ARB2A: variants seen among roughly 807,000 people sequenced by gnomAD.
ARB2A encodes cotranscriptional regulator ARB2A.
the ARB2A span, among the ~76,000 whole-genome samples, chr5:93,760,700 T>C: frequency 6.6e-6 from 1 of 152,140 alleles, no homozygotes; most frequent in Non-Finnish European, 1.5e-5. Context: ...GCTAGCCACA[T>C]GTAGGAGAAT....
At chr5:93,993,288 G>C in the ARB2A span, among the ~76,000 whole-genome samples, 5 of 152,022 alleles carry the variant, frequency 3.3e-5, no homozygotes, top group African/African-American at 1.2e-4. Flanking sequence ...AGAGACAGCT[G>C]TTTTTTTAGT....
chr5:93,932,207 T>A, the ARB2A span, among the ~76,000 whole-genome samples: 4 of 152,176 alleles, frequency 2.6e-5, no homozygotes, highest in African/African-American at 7.2e-5. Flanking sequence ...TTCATGAGAA[T>A]TTGCTGTCAT....
At chr5:93,886,661 T>G in the ARB2A span, among the ~76,000 whole-genome samples, 1 of 151,620 alleles carries the variant, frequency 6.6e-6, no homozygotes, top group Non-Finnish European at 1.5e-5. Context: ...AGTGAAGCGT[T>G]AAAGTAAACA....
chr5:93,710,900 C>T, the ARB2A span, among the ~76,000 whole-genome samples: 1 of 152,272 alleles, frequency 6.6e-6, no homozygotes, highest in East Asian at 1.9e-4. Context: ...TAAATATCCT[C>T]CCTCTGCCAC....
chr5:94,106,870 G>GAAAAAAAA, the ARB2A span, among the ~76,000 whole-genome samples: 311 of 57,276 alleles, frequency 5.4e-3, 1 homozygote, highest in East Asian at 0.011. Context: ...AATCAATGCA[G>GAAAAAAAA]AAAAAAAAAA....
the ARB2A span, among the ~76,000 whole-genome samples, chr5:93,949,573 A>T: frequency 9.9e-5 from 15 of 151,806 alleles, no homozygotes; most frequent in Non-Finnish European, 1.9e-4. Flanking sequence ...AAAAATAATA[A>T]TAATAATAGT....
chr5:93,891,476 T>C, the ARB2A span, among the ~76,000 whole-genome samples: 1 of 152,010 alleles, frequency 6.6e-6, no homozygotes, highest in African/African-American at 2.4e-5. Context: ...AACTAGAACC[T>C]CAACAATAAT....
the ARB2A span, among the ~76,000 whole-genome samples, chr5:93,742,359 C>T: frequency 4.3e-3 from 659 of 152,264 alleles, 2 homozygotes; most frequent in Middle Eastern, 0.017. Flanking sequence ...CTGGCCTGAC[C>T]CACTGTCCCC....
At chr5:94,011,212 T>G in the ARB2A span, among the ~76,000 whole-genome samples, 2 of 152,186 alleles carry the variant, frequency 1.3e-5, no homozygotes, top group Non-Finnish European at 2.9e-5. Context: ...TGGTCCCCAT[T>G]GCTGATTTCT....
the ARB2A span, among the ~76,000 whole-genome samples, chr5:94,093,260 A>C: frequency 1.1e-4 from 16 of 152,292 alleles, 1 homozygote; most frequent in Admixed American, 3.9e-4. Context: ...ACAACAACAA[A>C]AAAGACTAGC....
chr5:94,018,004 A>G, the ARB2A span, among the ~76,000 whole-genome samples: 1 of 152,024 alleles, frequency 6.6e-6, no homozygotes, highest in Non-Finnish European at 1.5e-5. Flanking sequence ...CTTCTTCCTC[A>G]TTGTTCTCTT....
the ARB2A span, among the ~76,000 whole-genome samples, chr5:94,036,531 T>C: frequency 2.0e-3 from 311 of 152,342 alleles, 2 homozygotes; most frequent in African/African-American, 7.2e-3. Flanking sequence ...CCTGTTTCTC[T>C]ATAGCCTCAT....
At chr5:93,865,410 T>G in the ARB2A span, 1 of 985,404 alleles carries the variant, frequency 1.0e-6, no homozygotes, top group Non-Finnish European at 1.2e-6. Flanking sequence ...GAGTAGAAAT[T>G]ACATGCTTTA....
chr5:93,981,064 T>G, the ARB2A span, among the ~76,000 whole-genome samples: 120 of 110,536 alleles, frequency 1.1e-3, no homozygotes, highest in African/African-American at 3.3e-3. Context: ...TTACTGTATT[T>G]CTTAATTTTT....
chr5:93,716,592 A>C, the ARB2A span, among the ~76,000 whole-genome samples: 1 of 150,352 alleles, frequency 6.7e-6, no homozygotes, highest in Non-Finnish European at 1.5e-5. Flanking sequence ...CTATTTGCAC[A>C]GTCAGACAAT....
chr5:93,900,207 T>C, the ARB2A span, among the ~76,000 whole-genome samples: 1 of 152,162 alleles, frequency 6.6e-6, no homozygotes, highest in African/African-American at 2.4e-5. Flanking sequence ...CAAAAAATAC[T>C]ATTTTGGGTC....
the ARB2A span, among the ~76,000 whole-genome samples, chr5:93,683,957 T>C: frequency 1.3e-5 from 2 of 151,124 alleles, no homozygotes; most frequent in Non-Finnish European, 3.0e-5. Flanking sequence ...GTTTAGTAAT[T>C]CTTGTCAATG....
At chr5:93,928,469 T>C in the ARB2A span, among the ~76,000 whole-genome samples, 1 of 152,182 alleles carries the variant, frequency 6.6e-6, no homozygotes, top group African/African-American at 2.4e-5. Flanking sequence ...TCTTATACTG[T>C]TTTGTGTAAA....
the ARB2A span, among the ~76,000 whole-genome samples, chr5:94,084,814 T>A: frequency 0.041 from 6,215 of 151,950 alleles, 414 homozygotes; most frequent in African/African-American, 0.14. Context: ...TGCACAATTT[T>A]AAAAAAAGAA....
Sources: allele counts gnomAD v4.1 joint callset (sites outside exome capture counted in the v4.1 genomes callset), GRCh38; gene constraint gnomAD v4.1.1; transcripts MANE v1.5; gene names NCBI Gene and HGNC (gene_info 2026-07-23, HGNC 2026-07-21).